Variants in BMPR2 observed in about 807,000 individuals in gnomAD.
BMPR2 encodes the protein bone morphogenetic protein receptor type 2.
BMPR2 carries 29 observed loss-of-function variants against 100.8 expected under a neutral mutation model. The ratio of observed to expected loss-of-function variants is 0.29; its 90% confidence interval spans 0.21 to 0.39. The LOEUF is 0.39. Among genes scored for constraint, BMPR2 ranks in the 10% least tolerant of loss-of-function variants. The pLI, the probability that BMPR2 is intolerant of heterozygous loss-of-function variation, is 1.00. For synonymous variants in BMPR2, 382 were observed against 442.3 expected (o/e 0.86, Z 1.71); for missense variants, 1,011 against 1,274.5 (o/e 0.79, Z 3.15).
intron 5 of BMPR2, among the ~76,000 whole-genome samples, chr2:202,518,520 G>T (rs957990638): frequency 1.2e-4 from 18 of 152,222 alleles, no homozygotes; most frequent in South Asian, 8.3e-4. Flanking sequence ...CATAAAAATG[G>T]GTAGCTTGCC....
In BMPR2 at chr2:202,468,901, G is replaced by T. The variant is rs537181785; in HGVS notation, c.418+1212G>T. On this transcript the variant is annotated intron_variant, in intron 3 of 12. Coordinates refer to ENST00000374580, the MANE Select transcript of BMPR2 (RefSeq NM_001204.7). ...ACTTACCTTTAAAAAAAGAAACAAA[G>T]AATAAATAGAAAATAATGAACTTGG... Among the ~76,000 whole-genome samples the T allele has an allele frequency of 7.2e-5, 11 of 151,858 alleles. No homozygotes were observed. The East Asian group carries it at 2.1e-3, about 29-fold the overall frequency.
chr2:202,450,229 C>T (rs1347502958), intron 1 of BMPR2, among the ~76,000 whole-genome samples: 3 of 152,190 alleles, frequency 2.0e-5, no homozygotes, highest in African/African-American at 7.2e-5. Context: ...ACATCCTGAG[C>T]AGGTAGGTAC....
intron 1 of BMPR2, among the ~76,000 whole-genome samples, chr2:202,415,161 C>G (rs1419062390): frequency 2.0e-5 from 3 of 152,082 alleles, no homozygotes; most frequent in Non-Finnish European, 4.4e-5. Context: ...AATATACCAT[C>G]TAGGACTTTT....
chr2:202,409,983 T>C (rs954161159), intron 1 of BMPR2, among the ~76,000 whole-genome samples: 2 of 152,056 alleles, frequency 1.3e-5, no homozygotes, highest in African/African-American at 4.8e-5. Context: ...GATCTTGATT[T>C]CTTTTCTTTT....
At chr2:202,525,700 C>G (rs1687897030) in intron 7 of BMPR2, among the ~76,000 whole-genome samples, 4 of 151,988 alleles carry the variant, frequency 2.6e-5, no homozygotes, top group Admixed American at 2.6e-4. Flanking sequence ...GTATTGCTGC[C>G]TCAAATAATA....
intron 3 of BMPR2, among the ~76,000 whole-genome samples, chr2:202,470,527 C>A (rs542599351): frequency 3.8e-4 from 57 of 150,664 alleles, no homozygotes; most frequent in African/African-American, 1.3e-3. Context: ...TTTGGGAGGC[C>A]GAGGCAGCTG....
At chr2:202,476,080 TAAAAAAAAAA>T (rs56243938) in intron 3 of BMPR2, among the ~76,000 whole-genome samples, 1 of 95,406 alleles carries the variant, frequency 1.0e-5, no homozygotes, top group Non-Finnish European at 2.0e-5. Context: ...GTCTCAAGGT[TAAAAAAAAAA>T]AAAAAAAAAA....
intron 1 of BMPR2, among the ~76,000 whole-genome samples, chr2:202,428,084 TA>T (rs1416650372): frequency 6.6e-6 from 1 of 152,184 alleles, no homozygotes; most frequent in Non-Finnish European, 1.5e-5. Context: ...CCCCTAGGGG[TA>T]ACTGCAATTT....
chr2:202,415,644 C>T (rs979642828), intron 1 of BMPR2, among the ~76,000 whole-genome samples: 1 of 152,172 alleles, frequency 6.6e-6, no homozygotes, highest in African/African-American at 2.4e-5. Context: ...AAGAATTATA[C>T]TAAATATGCT....
intron 1 of BMPR2, among the ~76,000 whole-genome samples, chr2:202,390,508 T>C (rs146766949): frequency 1.7e-4 from 26 of 152,164 alleles, no homozygotes; most frequent in Admixed American, 1.2e-3. Context: ...ATTTTTGTAT[T>C]TTTAGTAGAG....
intron 12 of BMPR2, 92 bp downstream of exon 12, chr2:202,556,623 G>A: frequency 7.0e-7 from 1 of 1,418,746 alleles, no homozygotes; most frequent in Non-Finnish European, 9.7e-7. Context: ...ATTTCAACTA[G>A]TGATTATTTA....
At chr2:202,545,785 G>A (rs1032841965) in intron 10 of BMPR2, among the ~76,000 whole-genome samples, 4 of 152,134 alleles carry the variant, frequency 2.6e-5, no homozygotes, top group South Asian at 2.1e-4. Flanking sequence ...AAGCACATAC[G>A]TCCAAGATTG....
chr2:202,542,532 A>G (rs1215290011), intron 10 of BMPR2, 85 bp downstream of exon 10: 1 of 1,490,522 alleles, frequency 6.7e-7, no homozygotes, highest in Non-Finnish European at 9.2e-7. Context: ...ACTGTTAATA[A>G]CGTTAATAGT....
chr2:202,560,046 C>A lies in BMPR2; in HGVS notation c.*100C>A. The A allele has an allele frequency of 7.3e-7, 1 of 1,374,898 alleles. No homozygotes were observed. The highest frequency in any genetic ancestry group is 1.0e-6 in the Non-Finnish European group (1 of 1,000,670). The allele number at this position is 1,374,898 out of a possible 1,614,324, so 85.2% of individuals were successfully genotyped here. ...AAAAACTGCTTTATCCTCCTGTCAG[C>A]ACCCCCTCCCACCCCTGCAACAAAG... On this transcript the variant is annotated 3_prime_UTR_variant, in exon 13 of 13. Transcript: ENST00000374580.
At chr2:202,494,612 T>C (rs1433583227) in intron 3 of BMPR2, among the ~76,000 whole-genome samples, 1 of 152,218 alleles carries the variant, frequency 6.6e-6, no homozygotes, top group Admixed American at 6.5e-5. Flanking sequence ...TTTGGCTGAG[T>C]ATTTAACTGA....
In BMPR2 at chr2:202,489,283, G is replaced by T. The variant is rs532944734; in HGVS notation, c.418+21594G>T. Among the ~76,000 whole-genome samples, 136 of 152,252 alleles carry T rather than the reference G, an allele frequency of 8.9e-4. 1 individual carries two copies. Among genetic ancestry groups the T allele is most frequent in the African/African-American group, 3.1e-3 (128 of 41,532 alleles). On this transcript the variant is annotated intron_variant, in intron 3 of 12. Coordinates refer to ENST00000374580, the MANE Select transcript of BMPR2 (RefSeq NM_001204.7). Reference sequence around the variant, plus strand: ...TTCCCAAAGTGCTGGGATTACAGGCGTGAGCCACCACGCCCGGCCTTTGTT... The same window carrying T: ...TTCCCAAAGTGCTGGGATTACAGGCTTGAGCCACCACGCCCGGCCTTTGTT...
intron 3 of BMPR2, among the ~76,000 whole-genome samples, chr2:202,487,940 C>T (rs1279131495): frequency 6.6e-6 from 1 of 152,168 alleles, no homozygotes; most frequent in Non-Finnish European, 1.5e-5. Flanking sequence ...GAACTTTTGA[C>T]CTCAGGTGAT....
chr2:202,534,899 G>T (rs1263139925), intron 9 of BMPR2, among the ~76,000 whole-genome samples: 58 of 126,402 alleles, frequency 4.6e-4, no homozygotes, highest in Middle Eastern at 5.0e-3. Context: ...GCCGGGCGGG[G>T]GGCTGACCCC....
Position 202,564,859 on chromosome 2 carries a change from A to C in BMPR2, c.*4913A>C, listed in dbSNP as rs1056641526. On this transcript the variant is annotated 3_prime_UTR_variant, in exon 13 of 13. Coordinates refer to ENST00000374580, the MANE Select transcript of BMPR2 (RefSeq NM_001204.7). Reference sequence around the variant, plus strand: ...CAGGGGACTGAGATCATCCTGGCTAACACGATGAAACCTCATCTCTACTAA... The same window carrying C: ...CAGGGGACTGAGATCATCCTGGCTACCACGATGAAACCTCATCTCTACTAA... 6.6e-6 allele frequency: 1 copy of C among 152,180 alleles called. No homozygotes were observed. Among genetic ancestry groups the C allele is most frequent in the African/African-American group, 2.4e-5 (1 of 41,424 alleles). The allele number at this position is 152,180 out of a possible 1,614,324, so 9.4% of individuals were successfully genotyped here.
Sources: allele counts gnomAD v4.1 joint callset (sites outside exome capture counted in the v4.1 genomes callset), GRCh38; gene constraint gnomAD v4.1.1; transcripts MANE v1.5; gene names NCBI Gene and HGNC (gene_info 2026-07-23, HGNC 2026-07-21).